Variants in COMMD1 observed in about 807,000 individuals in gnomAD.
The protein encoded by COMMD1 is copper metabolism domain containing 1.
A neutral mutation model predicts 17.2 loss-of-function variants in COMMD1; 10 were observed. The ratio of observed to expected loss-of-function variants is 0.58; its 90% CI spans 0.36 to 0.99. The LOEUF is 0.99. COMMD1 is among the 50% of genes least tolerant of loss of function. The pLI is 0.01. For missense variants in COMMD1, 270 were observed against 231.8 expected (o/e 1.17, Z -1.07); for synonymous variants, 97 against 91.6 (o/e 1.06, Z -0.34).
intron 1 of COMMD1, among the ~76,000 whole-genome samples, chr2:61,988,808 G>A (rs973544504): frequency 6.6e-6 from 1 of 152,116 alleles, no homozygotes; most frequent in Admixed American, 6.5e-5. Flanking sequence ...AGCTTTCTGT[G>A]GTGAGGCTTG....
At chr2:61,922,205 C>G (rs1670217159) in intron 1 of COMMD1, among the ~76,000 whole-genome samples, 2 of 152,130 alleles carry the variant, frequency 1.3e-5, no homozygotes, top group South Asian at 4.1e-4. Context: ...GAAATCTGGG[C>G]CAATGCAGGG....
At chr2:61,905,894 G>C in intron 1 of COMMD1, 36 bp downstream of exon 1, 1 of 1,607,348 alleles carries the variant, frequency 6.2e-7, no homozygotes, top group Non-Finnish European at 8.5e-7. Context: ...GCTTGGAGCA[G>C]AACCCCTTGG....
chr2:62,034,396 A>C (rs1194038989), intron 2 of COMMD1, among the ~76,000 whole-genome samples: 2 of 152,130 alleles, frequency 1.3e-5, no homozygotes, highest in East Asian at 3.9e-4. Flanking sequence ...GCTACTCGGG[A>C]AGCTGAGGCA....
At chr2:61,943,983 C>T (rs1226932765) in intron 1 of COMMD1, among the ~76,000 whole-genome samples, 1 of 152,194 alleles carries the variant, frequency 6.6e-6, no homozygotes, top group Non-Finnish European at 1.5e-5. Flanking sequence ...TCCACTTGGC[C>T]CCCAGTCACC....
chr2:61,956,042 TG>T (rs2103681218), intron 1 of COMMD1, among the ~76,000 whole-genome samples: 1 of 152,320 alleles, frequency 6.6e-6, no homozygotes, highest in Non-Finnish European at 1.5e-5. Context: ...CACGGGTATA[TG>T]TAGCACATAA....
At chr2:62,108,858 G>A (rs1304762329) in intron 2 of COMMD1, among the ~76,000 whole-genome samples, 1 of 152,164 alleles carries the variant, frequency 6.6e-6, no homozygotes, top group Non-Finnish European at 1.5e-5. Flanking sequence ...GTCACAAAAT[G>A]TAGTTTCTGT....
intron 1 of COMMD1, among the ~76,000 whole-genome samples, chr2:61,935,770 T>TATA (rs1670592583): frequency 6.6e-6 from 1 of 152,232 alleles, no homozygotes; most frequent in Non-Finnish European, 1.5e-5. Flanking sequence ...TAATCATTTA[T>TATA]ATAAGTGCAG....
At chr2:62,063,868 A>ATATATATATATATATATATATAT (rs1670947199) in intron 2 of COMMD1, among the ~76,000 whole-genome samples, 2 of 81,172 alleles carry the variant, frequency 2.5e-5, no homozygotes, top group African/African-American at 9.8e-5. Flanking sequence ...GTCTCTACAA[A>ATATATATATATATATATATATAT]ATATATATAT....
intron 2 of COMMD1, among the ~76,000 whole-genome samples, chr2:62,066,856 G>T (rs753809811): frequency 6.6e-6 from 1 of 150,712 alleles, no homozygotes; most frequent in African/African-American, 2.4e-5. Context: ...CTCCCGAGTA[G>T]TTGGGATTAC....
At chr2:62,093,683 C>T (rs1418636449) in intron 2 of COMMD1, among the ~76,000 whole-genome samples, 1 of 152,204 alleles carries the variant, frequency 6.6e-6, no homozygotes, top group Non-Finnish European at 1.5e-5. Context: ...CATTTTGCTT[C>T]TCGAGTGTTA....
intron 1 of COMMD1, among the ~76,000 whole-genome samples, chr2:61,892,819 C>T (rs963591913): frequency 4.6e-5 from 7 of 151,734 alleles, no homozygotes; most frequent in Admixed American, 1.3e-4. Flanking sequence ...AGTTTATTAT[C>T]GAGACCACCA....
At chr2:61,966,880 A>G (rs980407980) in intron 1 of COMMD1, among the ~76,000 whole-genome samples, 3 of 152,120 alleles carry the variant, frequency 2.0e-5, no homozygotes, top group Non-Finnish European at 4.4e-5. Flanking sequence ...GCTTCTATTT[A>G]TCTAAGAAGA....
intron 1 of COMMD1, among the ~76,000 whole-genome samples, chr2:61,933,913 G>A (rs572655862): frequency 5.9e-4 from 90 of 152,082 alleles, no homozygotes; most frequent in African/African-American, 2.1e-3. Context: ...ACAGGCATGT[G>A]CCACAATACC....
intron 2 of COMMD1, among the ~76,000 whole-genome samples, chr2:62,038,749 A>G (rs1480826549): frequency 2.6e-5 from 4 of 151,904 alleles, no homozygotes; most frequent in African/African-American, 9.7e-5. Flanking sequence ...GGGTTTCACC[A>G]TGTTGCCCAG....
chr2:61,940,022 G>GGGGTAGCTC lies in COMMD1; in HGVS notation c.180+34165_180+34173dup, dbSNP rs201192485. ...GAACACCTTTATTTCCATTAGCATA[G>GGGGTAGCTC]GGGTAGCTCAAGCCAATATTCCATA... On this transcript the variant is annotated intron_variant, in intron 1 of 2. Coordinates refer to ENST00000311832, the MANE Select transcript of COMMD1 (RefSeq NM_152516.4). Among the ~76,000 whole-genome samples, 985 of 152,280 alleles carry GGGGTAGCTC rather than the reference G, an allele frequency of 6.5e-3. 21 individuals are homozygous for GGGGTAGCTC. The East Asian group carries it at 0.08, about 12-fold the overall frequency.
intron 2 of COMMD1, among the ~76,000 whole-genome samples, chr2:62,086,882 G>C (rs904960938): frequency 6.6e-6 from 1 of 151,568 alleles, no homozygotes; most frequent in Non-Finnish European, 1.5e-5. Context: ...TTGAGATGGA[G>C]TCTCCCTCTG....
chr2:61,892,533 A>C (rs915839986), intron 1 of COMMD1, among the ~76,000 whole-genome samples: 12 of 151,910 alleles, frequency 7.9e-5, no homozygotes, highest in Non-Finnish European at 2.9e-5. Context: ...TCTCTACTAA[A>C]AATACAAAAA....
chr2:61,953,883 T>C (rs1671123354), intron 1 of COMMD1, among the ~76,000 whole-genome samples: 1 of 152,134 alleles, frequency 6.6e-6, no homozygotes, highest in South Asian at 2.1e-4. Flanking sequence ...TAGTTTTAAT[T>C]TGCATTTCTC....
intron 2 of COMMD1, among the ~76,000 whole-genome samples, chr2:62,001,999 C>T (rs1223994169): frequency 5.3e-5 from 8 of 151,974 alleles, no homozygotes; most frequent in East Asian, 3.9e-4. Context: ...CCAGAAACCC[C>T]GCCTCTGCTA....
Sources: gnomAD v4.1 joint callset for allele counts (sites outside exome capture counted in the v4.1 genomes callset) on GRCh38, gnomAD v4.1.1 for gene constraint, MANE v1.5 for transcripts, NCBI Gene and HGNC (gene_info 2026-07-23, HGNC 2026-07-21) for gene names.